The following SPARCL1 variants were observed in gnomAD, a reference collection of about 807,000 sequenced individuals.
SPARCL1 encodes SPARC-like protein 1.
A neutral mutation model predicts 67.1 loss-of-function variants in SPARCL1; 52 were observed. That is an observed-to-expected ratio of 0.78 (90% confidence interval 0.62 to 0.98). The LOEUF (loss-of-function observed/expected upper bound fraction) is 0.98, where lower values mean the gene tolerates loss of function less well. SPARCL1 is among the 50% of genes least tolerant of loss of function. The pLI is 0.00. For missense variants in SPARCL1, 717 were observed against 782.4 expected, an observed-to-expected ratio of 0.92 and a Z score of 1.00; for synonymous variants, 226 against 267.8, an observed-to-expected ratio of 0.84 and a Z score of 1.52.
intron 1 of SPARCL1, among the ~76,000 whole-genome samples, chr4:87,503,617 A>G (rs1724937299): frequency 6.6e-6 from 1 of 151,144 alleles, no homozygotes; most frequent in Admixed American, 6.6e-5. Flanking sequence ...AGTGTGACAC[A>G]TAGGAATTCC....
chr4:87,515,175 A>G (rs1227637032), intron 1 of SPARCL1, among the ~76,000 whole-genome samples: 1 of 152,242 alleles, frequency 6.6e-6, no homozygotes, highest in Non-Finnish European at 1.5e-5. Context: ...AGGCAGCTGC[A>G]TAGTTTAAAG....
intron 10 of SPARCL1, among the ~76,000 whole-genome samples, chr4:87,479,031 T>C (rs1723697476): frequency 6.6e-6 from 1 of 152,178 alleles, no homozygotes; most frequent in Non-Finnish European, 1.5e-5. Context: ...ACATCTCCCA[T>C]TGTCAGAAAT....
chr4:87,497,189 A>T (rs1040445235), intron 2 of SPARCL1: 16 of 984,954 alleles, frequency 1.6e-5, no homozygotes, highest in Middle Eastern at 1.0e-3. Context: ...GCCAAAGTAC[A>T]GGATTCATAT....
chr4:87,527,521 T>C (rs1289935297), intron 1 of SPARCL1, among the ~76,000 whole-genome samples: 1 of 152,166 alleles, frequency 6.6e-6, no homozygotes, highest in Non-Finnish European at 1.5e-5. Flanking sequence ...ATAAATAATG[T>C]TTTCAAGTTG....
intron 1 of SPARCL1, among the ~76,000 whole-genome samples, chr4:87,517,755 G>A (rs1430972663): frequency 6.6e-6 from 1 of 152,118 alleles, no homozygotes; most frequent in Non-Finnish European, 1.5e-5. Flanking sequence ...AGTTGGGAGA[G>A]GAATTTCAAG....
At chr4:87,488,640 C>T (rs1404043709) in intron 7 of SPARCL1, among the ~76,000 whole-genome samples, 1 of 152,224 alleles carries the variant, frequency 6.6e-6, no homozygotes, top group African/African-American at 2.4e-5. Flanking sequence ...AGATCTGCTG[C>T]TCTCTTCAGA....
chr4:87,526,480 T>A (rs1726048019), intron 1 of SPARCL1, among the ~76,000 whole-genome samples: 1 of 152,202 alleles, frequency 6.6e-6, no homozygotes, highest in African/African-American at 2.4e-5. Flanking sequence ...TTAATAAACA[T>A]CACATTTCAT....
chr4:87,491,952 CCCCAA>C (rs750702174), intron 4 of SPARCL1, among the ~76,000 whole-genome samples: 210 of 99,386 alleles, frequency 2.1e-3, no homozygotes, highest in African/African-American at 0.01. Flanking sequence ...CCACCCCCCC[CCCCAA>C]AAAAAAAAAA....
At chr4:87,496,090 T>C (rs1350027757) in intron 2 of SPARCL1, among the ~76,000 whole-genome samples, 1 of 152,166 alleles carries the variant, frequency 6.6e-6, no homozygotes, top group Non-Finnish European at 1.5e-5. Flanking sequence ...TGATGCATGA[T>C]GGGGAAGTTG....
chr4:87,494,216 G>A lies in SPARCL1; in HGVS notation c.584C>T (p.Pro195Leu). The A allele has an allele frequency of 6.2e-7, 1 of 1,613,892 alleles. No homozygotes were observed. The highest frequency in any genetic ancestry group is 8.5e-7 in the Non-Finnish European group (1 of 1,180,000). Residue 195 changes from proline to leucine, a missense_variant, in exon 4 of 11, where the codon CCA (proline) becomes CTA (leucine). By Grantham distance (98) the Pro-to-Leu change is moderately conservative. Transcript: ENST00000282470. Reference protein sequence around the residue: ...LRDQGNQEQDPNISNGEEEEE... With the variant: ...LRDQGNQEQDLNISNGEEEEE... ...TTCCTCTTCTCCATTGGAAATATTT[G>A]GATCCTGCTCTTGGTTTCCTTGATC... is the stretch of plus-strand genomic sequence containing the variant.
chr4:87,517,828 A>G lies in SPARCL1; in HGVS notation c.-12+11217T>C, dbSNP rs531631588. Reference sequence around the variant, plus strand: ...TGGGGGGTAGTTCTCTTCTAGGATTAAGAAAAACAACAAATAATACCAAAG... The same window carrying G: ...TGGGGGGTAGTTCTCTTCTAGGATTGAGAAAAACAACAAATAATACCAAAG... On this transcript the variant is annotated intron_variant, in intron 1 of 10. Coordinates refer to ENST00000282470, the MANE Select transcript of SPARCL1 (RefSeq NM_004684.6). 7.2e-5 allele frequency among the ~76,000 whole-genome samples: 11 copies of G among 152,320 alleles called. No individual in the cohort carries two copies. In the South Asian group the frequency reaches 1.2e-3, roughly 17 times the overall value.
chr4:87,512,174 G>A (rs1725392597), intron 1 of SPARCL1, among the ~76,000 whole-genome samples: 2 of 151,870 alleles, frequency 1.3e-5, no homozygotes, highest in Non-Finnish European at 2.9e-5. Flanking sequence ...CACCATGTTG[G>A]TCAGGCTGGT....
At chr4:87,519,563 C>G (rs1450653831) in intron 1 of SPARCL1, among the ~76,000 whole-genome samples, 1 of 152,160 alleles carries the variant, frequency 6.6e-6, no homozygotes, top group East Asian at 1.9e-4. Context: ...ATTTACCACT[C>G]CCCACTCCAC....
intron 1 of SPARCL1, among the ~76,000 whole-genome samples, chr4:87,504,521 G>A (rs925954487): frequency 2.0e-5 from 3 of 152,152 alleles, no homozygotes; most frequent in African/African-American, 7.2e-5. Flanking sequence ...ACCCCAGGAT[G>A]TGGCAGATGA....
rs137937525 is a variant in SPARCL1 at position 87,525,162 on chromosome 4, C to CAAA, written c.-12+3880_-12+3882dup. The stretch of plus-strand genomic sequence containing the variant: ...TGGGCAATAGAGCAAGACTCTGTCT[C>CAAA]AAAAAAAAAAAAAATACAATGATCT... On this transcript the variant is annotated intron_variant, in intron 1 of 10. Coordinates refer to ENST00000282470, the MANE Select transcript of SPARCL1 (RefSeq NM_004684.6). 2.7e-4 allele frequency among the ~76,000 whole-genome samples: 37 copies of CAAA among 138,302 alleles called. No homozygotes were observed. In the East Asian group the frequency reaches 6.0e-3, roughly 22 times the overall value. The allele number at this position is 138,302 out of a possible 152,430, so 90.7% of individuals were successfully genotyped here.
At chr4:87,514,545 C>A (rs1054534013) in intron 1 of SPARCL1, among the ~76,000 whole-genome samples, 2 of 152,150 alleles carry the variant, frequency 1.3e-5, no homozygotes, top group East Asian at 3.8e-4. Flanking sequence ...CTTCAAGTTT[C>A]AATTATAAAG....
chr4:87,490,945 C>G (rs1724303028), intron 5 of SPARCL1, 67 bp from the exon 6 acceptor site: 3 of 958,458 alleles, frequency 3.1e-6, no homozygotes, highest in Non-Finnish European at 4.6e-6. Context: ...CAAATTCACT[C>G]AACTAGTTTC....
At chr4:87,511,967 C>CTTTTTTTTTTTTTTTTTTTT (rs3037337) in intron 1 of SPARCL1, among the ~76,000 whole-genome samples, 1 of 121,566 alleles carries the variant, frequency 8.2e-6, no homozygotes, top group Non-Finnish European at 1.6e-5. Flanking sequence ...CTTTCTTTCT[C>CTTTTTTTTTTTTTTTTTTTT]TTTTTTTTTT....
rs1396720882 is a variant in SPARCL1 at position 87,493,985 on chromosome 4, G to T, written c.815C>A (p.Ser272Tyr). The T allele has an allele frequency of 1.2e-6, 2 of 1,614,024 alleles. No individual in the cohort carries two copies. The highest frequency in any genetic ancestry group is 8.5e-7 in the Non-Finnish European group (1 of 1,180,018). Residue 272 changes from serine (S) to tyrosine (Y), a missense_variant, in exon 4 of 11, where the codon TCC (serine) becomes TAC (tyrosine). Coordinates refer to ENST00000282470, the MANE Select transcript of SPARCL1 (RefSeq NM_004684.6). Reference protein sequence around the residue: ...DQGNQEQEDNSNAEMEEENAS... With the variant: ...DQGNQEQEDNYNAEMEEENAS... Reference sequence around the variant, plus strand: ...ATTTTCCTCTTCCATTTCTGCATTGGAGTTATCTTCTTGTTCTTGGTTACC... The same window carrying T: ...ATTTTCCTCTTCCATTTCTGCATTGTAGTTATCTTCTTGTTCTTGGTTACC...
Sources: gnomAD v4.1 joint callset for allele counts (sites outside exome capture counted in the v4.1 genomes callset) on GRCh38, gnomAD v4.1.1 for gene constraint, MANE v1.5 for transcripts, NCBI Gene and HGNC (gene_info 2026-07-23, HGNC 2026-07-21) for gene names.